Variants in ZFHX3 observed in about 807,000 individuals in gnomAD.
ZFHX3 encodes zinc finger homeobox 3, also known as zinc finger homeobox protein 3.
A neutral mutation model predicts 279.1 loss-of-function variants in ZFHX3; 42 were observed. The ratio of observed to expected loss-of-function variants is 0.15; its 90% CI spans 0.12 to 0.19. ZFHX3 has a LOEUF of 0.19. ZFHX3 is among the 10% of genes least tolerant of loss of function. The pLI, the probability that ZFHX3 is intolerant of heterozygous loss-of-function variation, is 1.00. For synonymous variants in ZFHX3, 2,293 were observed against 1,957.8 expected, an observed-to-expected ratio of 1.17 and a Z score of -4.52; for missense variants, 4,981 against 4,754.0, an observed-to-expected ratio of 1.05 and a Z score of -1.40.
intron 1 of ZFHX3, among the ~76,000 whole-genome samples, chr16:73,881,888 G>A (rs1429868537): frequency 6.6e-6 from 1 of 152,002 alleles, no homozygotes; most frequent in Non-Finnish European, 1.5e-5. Flanking sequence ...CTGGTGACCT[G>A]CCCCGCAGCT....
chr16:73,774,060 C>T (rs1378723686), intron 1 of ZFHX3, among the ~76,000 whole-genome samples: 1 of 151,972 alleles, frequency 6.6e-6, no homozygotes, highest in African/African-American at 2.4e-5. Context: ...CTGTTTGAGC[C>T]CAGGGTTTGC....
intron 2 of ZFHX3, among the ~76,000 whole-genome samples, chr16:73,621,605 C>T (rs955324920): frequency 1.3e-5 from 2 of 152,138 alleles, no homozygotes; most frequent in African/African-American, 4.8e-5. Flanking sequence ...CAGTAACTCA[C>T]CAAAGTTTGA....
chr16:73,225,301 CT>C (rs2012558968), intron 5 of ZFHX3, among the ~76,000 whole-genome samples: 1 of 152,070 alleles, frequency 6.6e-6, no homozygotes, highest in Admixed American at 6.6e-5. Context: ...GCCCTATAGG[CT>C]ATAAATCAAG....
intron 1 of ZFHX3, among the ~76,000 whole-genome samples, chr16:73,861,437 G>A (rs756209343): frequency 6.2e-4 from 94 of 152,194 alleles, no homozygotes; most frequent in African/African-American, 1.8e-3. Context: ...GGTTAGAGTC[G>A]GGTGATTTCC....
intron 3 of ZFHX3, among the ~76,000 whole-genome samples, chr16:73,333,107 T>A (rs185847149): frequency 6.6e-6 from 1 of 152,116 alleles, no homozygotes; most frequent in African/African-American, 2.4e-5. Flanking sequence ...GACATGTAAA[T>A]ACATAAATAG....
At chr16:73,219,263 G>A (rs1028439073) in intron 5 of ZFHX3, among the ~76,000 whole-genome samples, 6 of 152,272 alleles carry the variant, frequency 3.9e-5, no homozygotes, top group African/African-American at 1.4e-4. Context: ...CACAGAAACA[G>A]CATACAGACC....
intron 1 of ZFHX3, among the ~76,000 whole-genome samples, chr16:73,885,172 G>T (rs554767748): frequency 3.9e-5 from 6 of 152,122 alleles, no homozygotes; most frequent in African/African-American, 1.4e-4. Flanking sequence ...TTACAATCTA[G>T]CACCTTTCTG....
intron 5 of ZFHX3, among the ~76,000 whole-genome samples, chr16:73,201,886 G>T (rs1286249508): frequency 1.3e-5 from 2 of 152,180 alleles, no homozygotes; most frequent in East Asian, 3.9e-4. Flanking sequence ...AAGAATTGCT[G>T]CCTGTCCTTC....
At chr16:73,879,459 A>G (rs2030071076) in intron 1 of ZFHX3, among the ~76,000 whole-genome samples, 1 of 151,918 alleles carries the variant, frequency 6.6e-6, no homozygotes, top group Non-Finnish European at 1.5e-5. Flanking sequence ...TCCTTTGCTC[A>G]TTTGCACGCT....
In ZFHX3 at chr16:73,594,109, T is replaced by C. The variant is rs190496048; in HGVS notation, c.-1547+86071A>G. On this transcript the variant is annotated intron_variant, in intron 2 of 17. Coordinates refer to the ZFHX3 transcript ENST00000641206. Reference sequence around the variant, plus strand: ...CAAAACTATTTATATAAGATATGATTGTGAAAGTAATATGATAAAGGAAAT... The same window carrying C: ...CAAAACTATTTATATAAGATATGATCGTGAAAGTAATATGATAAAGGAAAT... 2.0e-5 allele frequency among the ~76,000 whole-genome samples: 3 copies of C among 152,274 alleles called. No homozygotes were observed. The East Asian group carries it at 5.8e-4, about 29-fold the overall frequency.
intron 5 of ZFHX3, among the ~76,000 whole-genome samples, chr16:73,240,689 C>G (rs1398611818): frequency 1.3e-5 from 2 of 152,146 alleles, no homozygotes; most frequent in Non-Finnish European, 2.9e-5. Flanking sequence ...TTTCACCTCC[C>G]TGCATGTGTC....
chr16:73,240,114 T>G (rs1359386523), intron 5 of ZFHX3, among the ~76,000 whole-genome samples: 1 of 152,124 alleles, frequency 6.6e-6, no homozygotes, highest in African/African-American at 2.4e-5. Context: ...AATGCATACC[T>G]GAATGAAGCT....
intron 4 of ZFHX3, among the ~76,000 whole-genome samples, chr16:73,264,804 G>T (rs1043965756): frequency 1.3e-5 from 2 of 151,974 alleles, no homozygotes; most frequent in Non-Finnish European, 2.9e-5. Context: ...TCAGAGCTTA[G>T]CTCTCACTTA....
At chr16:73,792,856 A>ACCCCCCCC (rs55813623) in intron 1 of ZFHX3, among the ~76,000 whole-genome samples, 66 of 135,054 alleles carry the variant, frequency 4.9e-4, no homozygotes, top group African/African-American at 6.4e-4. Flanking sequence ...CATACAGTGC[A>ACCCCCCCC]CCCCCCCCCT....
chr16:73,780,137 TTTTTTTTTTTTTTTTTTTTTTTG>T, intron 1 of ZFHX3, among the ~76,000 whole-genome samples: 1 of 103,554 alleles, frequency 9.7e-6, no homozygotes, highest in South Asian at 3.9e-4. Context: ...TTTTTTTTTT[TTTTTTTTTTTTTTTTTTTTTTTG>T]AGGCAGAGTC....
Position 73,366,905 on chromosome 16 carries a change from C to T in ZFHX3, c.-1290-48569G>A, listed in dbSNP as rs186606511. On this transcript the variant is annotated intron_variant, in intron 3 of 17. Coordinates refer to the ZFHX3 transcript ENST00000641206. ...GGGATTCTAAAGTTCTTTGACATAG[C>T]TGAAAAGTATTTTTGCCTAACATTT... is the stretch of plus-strand genomic sequence containing the variant. Among the ~76,000 whole-genome samples the T allele has an allele frequency of 1.7e-4, 26 of 152,242 alleles. No individual in the cohort carries two copies. The East Asian group carries it at 2.9e-3, about 17-fold the overall frequency.
At chr16:72,860,269 G>A (rs1472076605) in intron 4 of ZFHX3, among the ~76,000 whole-genome samples, 1 of 152,116 alleles carries the variant, frequency 6.6e-6, no homozygotes, top group African/African-American at 2.4e-5. Flanking sequence ...CCCGCTTCCT[G>A]TTCCATCAGG....
intron 3 of ZFHX3, among the ~76,000 whole-genome samples, chr16:72,924,793 T>C (rs2144256725): frequency 6.6e-6 from 1 of 152,360 alleles, no homozygotes; most frequent in East Asian, 1.9e-4. Context: ...TCTCGTTCAC[T>C]CTCGTTTAGC....
At chr16:73,494,866 C>A (rs1404798118) in intron 2 of ZFHX3, among the ~76,000 whole-genome samples, 1 of 152,080 alleles carries the variant, frequency 6.6e-6, no homozygotes, top group Non-Finnish European at 1.5e-5. Context: ...CTGCGCCCGG[C>A]AAAACTACGT....
Sources: gnomAD v4.1 joint callset for allele counts (sites outside exome capture counted in the v4.1 genomes callset) on GRCh38, gnomAD v4.1.1 for gene constraint, MANE v1.5 for transcripts, NCBI Gene and HGNC (gene_info 2026-07-23, HGNC 2026-07-21) for gene names.